The following PYGB variants were observed in gnomAD, a reference collection of about 807,000 sequenced individuals.
PYGB encodes glycogen phosphorylase, brain form.
PYGB carries 82 observed loss-of-function variants against 94.3 expected under a neutral mutation model. The ratio of observed to expected loss-of-function variants is 0.87; its 90% confidence interval spans 0.73 to 1.04. The LOEUF (loss-of-function observed/expected upper bound fraction) is 1.04. PYGB is among the 50% of genes least tolerant of loss of function. PYGB has a pLI of 0.00. For missense variants in PYGB, 1,132 were observed against 1,158.2 expected (o/e 0.98, Z 0.33); for synonymous variants, 488 against 479.1 (o/e 1.02, Z -0.24).
At chr20:25,253,936 G>C (rs769847987) in intron 1 of PYGB, among the ~76,000 whole-genome samples, 2 of 152,140 alleles carry the variant, frequency 1.3e-5, no homozygotes, top group African/African-American at 4.8e-5. Flanking sequence ...GCCAGGCATG[G>C]TGGTGGGCGC....
intron 8 of PYGB, 120 bp from the exon 9 acceptor site, chr20:25,278,937 G>A: frequency 3.3e-6 from 3 of 921,654 alleles, no homozygotes; most frequent in Non-Finnish European, 4.9e-6. Context: ...TGTTCTCCAG[G>A]CTTCTCGGGG....
chr20:25,295,881 T>C (rs997388281), intron 19 of PYGB, among the ~76,000 whole-genome samples: 1 of 152,190 alleles, frequency 6.6e-6, no homozygotes, highest in Non-Finnish European at 1.5e-5. Flanking sequence ...CAGCTCCTAA[T>C]GGCCAAGAAA....
intron 1 of PYGB, among the ~76,000 whole-genome samples, chr20:25,250,317 G>C (rs1207779479): frequency 6.6e-6 from 1 of 152,166 alleles, no homozygotes; most frequent in East Asian, 1.9e-4. Flanking sequence ...ATGGGCTCAG[G>C]GATTACGGAA....
intron 5 of PYGB, among the ~76,000 whole-genome samples, chr20:25,275,178 C>T (rs2088300049): frequency 6.6e-6 from 1 of 152,276 alleles, no homozygotes; most frequent in African/African-American, 2.4e-5. Context: ...GCCCATGGCT[C>T]TCAAAGCGTC....
intron 10 of PYGB, 35 bp from the exon 11 acceptor site, chr20:25,280,914 G>T: frequency 6.2e-7 from 1 of 1,608,392 alleles, no homozygotes; most frequent in South Asian, 1.1e-5. Context: ...GGGGCCTCCT[G>T]TGCCCACCCA....
chr20:25,283,422 T>C, intron 13 of PYGB, 145 bp downstream of exon 13: 1 of 698,554 alleles, frequency 1.4e-6, no homozygotes, highest in Non-Finnish European at 2.3e-6. Context: ...GGACTGAGGG[T>C]GAGGCTGTTA....
intron 1 of PYGB, among the ~76,000 whole-genome samples, chr20:25,256,155 T>C (rs560131699): frequency 6.6e-6 from 1 of 152,132 alleles, no homozygotes; most frequent in South Asian, 2.1e-4. Context: ...GGAGAAAAAA[T>C]TGGTGGTCTC....
chr20:25,288,562 GTGCCACCACATCCATACTCGGGAACCGGA>G, intron 15 of PYGB, 79 bp downstream of exon 15: 1 of 1,498,192 alleles, frequency 6.7e-7, no homozygotes, highest in South Asian at 1.2e-5. Flanking sequence ...GCTTCTCATG[GTGCCACCACATCCATACTCGGGAACCGGA>G]TGCCCAGCGG....
chr20:25,271,149 A>G (rs2088263116), intron 3 of PYGB, among the ~76,000 whole-genome samples: 1 of 151,906 alleles, frequency 6.6e-6, no homozygotes. Context: ...GTTCTCTAGG[A>G]TTCTTCATCC....
chr20:25,256,504 A>C (rs1283271754), intron 1 of PYGB, among the ~76,000 whole-genome samples: 2 of 145,028 alleles, frequency 1.4e-5, no homozygotes, highest in Non-Finnish European at 3.0e-5. Context: ...TCAAAAAAAA[A>C]AAAACAAAAA....
rs1335012935 is a variant in PYGB, at chr20:25,283,172, C to T, written c.1519-4C>T. 6.8e-6 allele frequency: 11 copies of T among 1,611,796 alleles called. No individual in the cohort carries two copies. Among genetic ancestry groups the T allele is most frequent in the Middle Eastern group, 1.7e-4 (1 of 6,050 alleles). ...ACAGTGAGCGGAACCTTTACGTTCTCCAGAAAATTGGGGAGGAGTTCCTGA... is the reference window on the plus strand; with the variant it reads ...ACAGTGAGCGGAACCTTTACGTTCTTCAGAAAATTGGGGAGGAGTTCCTGA... On this transcript the variant is annotated splice_region_variant and splice_polypyrimidine_tract_variant and intron_variant, in intron 12 of 19. Transcript: ENST00000216962.
intron 3 of PYGB, among the ~76,000 whole-genome samples, chr20:25,269,431 C>T (rs1189494040): frequency 6.6e-6 from 1 of 152,212 alleles, no homozygotes; most frequent in Non-Finnish European, 1.5e-5. Context: ...GAAGACCAAT[C>T]TTGCCAGCAT....
At chr20:25,260,918 G>C (rs758583884) in intron 2 of PYGB, among the ~76,000 whole-genome samples, 2 of 152,256 alleles carry the variant, frequency 1.3e-5, no homozygotes, top group Non-Finnish European at 2.9e-5. Flanking sequence ...CAAGGCGGCA[G>C]TGAGGCTTGG....
At chr20:25,262,555 A>C (rs2092915928) in intron 2 of PYGB, among the ~76,000 whole-genome samples, 1 of 152,236 alleles carries the variant, frequency 6.6e-6, no homozygotes, top group African/African-American at 2.4e-5. Flanking sequence ...AAAGCTAGGA[A>C]GAAACTGTAT....
chr20:25,257,069 C>T lies in PYGB; in HGVS notation c.244-2168C>T, dbSNP rs140400267. Among the ~76,000 whole-genome samples the T allele has an allele frequency of 7.2e-5, 11 of 152,328 alleles. No individual in the cohort carries two copies. In the East Asian group the frequency reaches 1.4e-3, roughly 19 times the overall value. On this transcript the variant is annotated intron_variant, in intron 1 of 19. Transcript: ENST00000216962. The stretch of plus-strand genomic sequence containing the variant: ...AGGGCAGGGAGCTGGGATGAGACCC[C>T]AGCCTGTACCATTCAAGTCTGCATT...
chr20:25,290,824 G>A (rs760512215), intron 16 of PYGB, among the ~76,000 whole-genome samples: 1 of 152,184 alleles, frequency 6.6e-6, no homozygotes, highest in Non-Finnish European at 1.5e-5. Context: ...GTCCCGGGGC[G>A]CCTTGCATGT....
rs372557137 is a variant in PYGB, at chr20:25,292,458, C to T, written c.2022C>T (p.Ala674=). The T allele has an allele frequency of 2.5e-6, 4 of 1,613,500 alleles. No homozygotes were observed. In the African/African-American group the frequency reaches 5.3e-5, roughly 22 times the overall value. The part of the protein sequence containing the change: ...SQQISTAGTE[A]SGTGNMKFML... The stretch of plus-strand genomic sequence containing the variant: ...AGATCTCCACTGCAGGCACCGAGGC[C>T]TCAGGCACAGGCAACATGAAGTTCA... The change falls in exon 17 of 20, where the codon GCC becomes GCT. Residue 674 remains alanine, a synonymous_variant. Transcript: ENST00000216962.
At chr20:25,287,941 A>T (rs2088431842) in intron 14 of PYGB, among the ~76,000 whole-genome samples, 1 of 152,156 alleles carries the variant, frequency 6.6e-6, no homozygotes, top group African/African-American at 2.4e-5. Context: ...CGCTTACACC[A>T]CCGCACTCCA....
Position 25,267,821 on chromosome 20 carries a change from G to A in PYGB, c.346-1308G>A, listed in dbSNP as rs372266223. ...GTTGGGATGACAGGCTTGAGCCACC[G>A]CACCCAGCCTTTTTATGTCTTTCTC... On this transcript the variant is annotated intron_variant, in intron 2 of 19. Transcript: ENST00000216962. Among the ~76,000 whole-genome samples the A allele has an allele frequency of 3.9e-5, 6 of 152,202 alleles. No individual in the cohort carries two copies. The East Asian group carries it at 5.8e-4, about 15-fold the overall frequency.
Sources: gnomAD v4.1 joint callset for allele counts (sites outside exome capture counted in the v4.1 genomes callset) on GRCh38, gnomAD v4.1.1 for gene constraint, MANE v1.5 for transcripts, NCBI Gene and HGNC (gene_info 2026-07-23, HGNC 2026-07-21) for gene names.